The following DCAF8 variants were observed in gnomAD, a reference collection of about 807,000 sequenced individuals.
The protein encoded by DCAF8 is DDB1 and CUL4 associated factor 8.
Under a neutral mutation model 68.0 loss-of-function variants are expected in DCAF8, and 20 were observed. The ratio of observed to expected loss-of-function variants is 0.29; its 90% CI spans 0.21 to 0.43. The LOEUF (loss-of-function observed/expected upper bound fraction) is 0.43. DCAF8 is among the 20% of genes least tolerant of loss of function. The probability of loss-of-function intolerance (pLI) is 1.00; values close to 1 mark genes in which losing one functional copy is unlikely to be tolerated. For missense variants in DCAF8, 460 were observed against 771.0 expected (o/e 0.60, Z 4.78); for synonymous variants, 230 against 276.9 (o/e 0.83, Z 1.68).
chr1:160,238,747 C>T lies in DCAF8; in HGVS notation c.724G>A (p.Ala242Thr). 6.3e-7 allele frequency: 1 copy of T among 1,590,670 alleles called. No homozygotes were observed. Among genetic ancestry groups the T allele is most frequent in the Non-Finnish European group, 8.5e-7 (1 of 1,171,988 alleles). Reference sequence around the variant, plus strand: ...TCACCACTGTTAGGAAGAAACTTGGCCTGGGGTGTTAAAAATGAAAAAAAG... The same window carrying T: ...TCACCACTGTTAGGAAGAAACTTGGTCTGGGGTGTTAAAAATGAAAAAAAG... ...ESGHKSNVFQ[A>T]KFLPNSGDST... The change falls in exon 5 of 14, where the codon GCC becomes ACC. Residue 242 changes from alanine to threonine, a missense_variant and splice_region_variant. Ala to Thr is a moderately conservative substitution (Grantham distance 58). Coordinates refer to ENST00000368074, the MANE Select transcript of DCAF8 (RefSeq NM_015726.4).
intron 2 of DCAF8, among the ~76,000 whole-genome samples, chr1:160,247,380 T>C (rs777538094): frequency 2.0e-5 from 3 of 152,182 alleles, no homozygotes; most frequent in Non-Finnish European, 2.9e-5. Context: ...GCCTTAAATT[T>C]TTAACCAATT....
At position 160,217,470 on chromosome 1, in the gene DCAF8, C is replaced by T; in HGVS notation, c.*122G>A. On this transcript the variant is annotated 3_prime_UTR_variant, in exon 14 of 14. Coordinates refer to ENST00000368074, the MANE Select transcript of DCAF8 (RefSeq NM_015726.4). ...TTTGTCCTTCTCCTGGGATGTCTTT[C>T]TTTTATCTAAAGCAAAAAGTCCAAA... 1.5e-6 allele frequency: 1 copy of T among 671,364 alleles called. No homozygotes were observed. The highest frequency in any genetic ancestry group is 2.5e-6 in the Non-Finnish European group (1 of 399,212). The allele number at this position is 671,364 out of a possible 1,614,324, so 41.6% of individuals were successfully genotyped here. A position where few individuals can be genotyped will look rare whatever the true frequency, so the allele number is the denominator to read the frequency against.
At chr1:160,226,406 C>A (rs1165584139) in intron 7 of DCAF8, among the ~76,000 whole-genome samples, 2 of 152,278 alleles carry the variant, frequency 1.3e-5, no homozygotes, top group East Asian at 1.9e-4. Context: ...TACACCTTCA[C>A]CTTCCTTCCT....
intron 7 of DCAF8, among the ~76,000 whole-genome samples, chr1:160,228,610 CTT>C (rs59684865): frequency 8.5e-5 from 12 of 140,996 alleles, no homozygotes; most frequent in Admixed American, 7.0e-5. Context: ...CTCTACTTAC[CTT>C]TTTTTTTTTT....
chr1:160,250,326 C>T (rs1456357662), intron 2 of DCAF8, among the ~76,000 whole-genome samples: 2 of 151,736 alleles, frequency 1.3e-5, no homozygotes, highest in Non-Finnish European at 2.9e-5. Context: ...ATTAGCCGGG[C>T]GTGGTAGTGC....
chr1:160,248,127 G>A (rs1352768985), intron 2 of DCAF8, among the ~76,000 whole-genome samples: 8 of 151,952 alleles, frequency 5.3e-5, no homozygotes, highest in Non-Finnish European at 1.2e-4. Context: ...CCAACATGGT[G>A]AAACCCCCGT....
rs1341299259 is a variant in DCAF8, at chr1:160,250,453, C to T, written c.-26-6419G>A. Among the ~76,000 whole-genome samples the T allele has an allele frequency of 1.2e-4, 12 of 101,054 alleles. No individual in the cohort carries two copies. The South Asian group carries it at 2.2e-3, about 18-fold the overall frequency. The allele number at this position is 101,054 out of a possible 152,430, so 66.3% of individuals were successfully genotyped here. ...TGCACTCCAGCCTGGGCAACAAGAG[C>T]GAAACTGTCTCAAAAAAAAAAAAAA... is the stretch of plus-strand genomic sequence containing the variant. On this transcript the variant is annotated intron_variant, in intron 2 of 13. Transcript: ENST00000368074.
rs1371701513 is a variant in DCAF8 at position 160,262,430 on chromosome 1, A to G, written c.-101+19T>C. On this transcript the variant is annotated intron_variant, in intron 1 of 13. Coordinates refer to ENST00000368074, the MANE Select transcript of DCAF8 (RefSeq NM_015726.4). ...AGCCGCCCCGTCCACTGCCACCACCAACGCCGCCGCCATCTTACACTGGCC... is the reference window on the plus strand; with the variant it reads ...AGCCGCCCCGTCCACTGCCACCACCGACGCCGCCGCCATCTTACACTGGCC... 9 of 400,864 alleles carry G rather than the reference A, an allele frequency of 2.2e-5. No homozygotes were observed. Among genetic ancestry groups the G allele is most frequent in the Admixed American group, 4.4e-5 (1 of 22,730 alleles). 24.8% of individuals were successfully genotyped at this position (400,864 alleles called of 1,614,324 possible).
chr1:160,254,564 C>T (rs956904199), intron 2 of DCAF8, among the ~76,000 whole-genome samples: 1 of 151,874 alleles, frequency 6.6e-6, no homozygotes, highest in Non-Finnish European at 1.5e-5. Context: ...GAGGCCGGGC[C>T]GGGTGGATCA....
Position 160,240,274 on chromosome 1 carries a change from C to G in DCAF8, c.146G>C (p.Ser49Thr). 6.2e-7 allele frequency: 1 copy of G among 1,614,042 alleles called. No individual in the cohort carries two copies. Among genetic ancestry groups the G allele is most frequent in the Non-Finnish European group, 8.5e-7 (1 of 1,179,996 alleles). The change falls in exon 4 of 14, where the codon AGC becomes ACC. Residue 49 changes from serine to threonine, a missense_variant. Coordinates refer to ENST00000368074, the MANE Select transcript of DCAF8 (RefSeq NM_015726.4). ...IEVEASDLSL[S>T]LTGDDGGPNR... Reference sequence around the variant, plus strand: ...GGGGCCACCATCATCCCCAGTCAAGCTCAAACTCAGGTCTGAGGCCTCCAC... The same window carrying G: ...GGGGCCACCATCATCCCCAGTCAAGGTCAAACTCAGGTCTGAGGCCTCCAC...
chr1:160,243,050 A>C (rs966033176), intron 3 of DCAF8, among the ~76,000 whole-genome samples: 2 of 152,218 alleles, frequency 1.3e-5, no homozygotes, highest in Admixed American at 1.3e-4. Context: ...ATCAACTAGA[A>C]TTTAGCCTGT....
intron 10 of DCAF8, among the ~76,000 whole-genome samples, chr1:160,224,030 T>G (rs547956686): frequency 3.3e-5 from 5 of 152,318 alleles, no homozygotes; most frequent in African/African-American, 1.2e-4. Context: ...CCACCATTCC[T>G]CCTCTTCTGC....
chr1:160,238,563 A>G (rs778336122), intron 5 of DCAF8, 44 bp downstream of exon 5: 2 of 1,543,192 alleles, frequency 1.3e-6, no homozygotes, highest in East Asian at 2.4e-5. Flanking sequence ...TGAGAACCAC[A>G]GAGGATTTGG....
intron 7 of DCAF8, among the ~76,000 whole-genome samples, chr1:160,226,333 A>T (rs1245126156): frequency 2.6e-5 from 4 of 152,130 alleles, no homozygotes; most frequent in African/African-American, 4.8e-5. Context: ...CACAATAATT[A>T]TTAAAAACTA....
At chr1:160,245,540 T>C (rs112327682) in intron 2 of DCAF8, among the ~76,000 whole-genome samples, 15 of 152,172 alleles carry the variant, frequency 9.9e-5, no homozygotes, top group Non-Finnish European at 1.9e-4. Flanking sequence ...AGATTGTTCA[T>C]AATAGGCCAA....
chr1:160,224,118 G>A (rs1655388631), intron 10 of DCAF8, among the ~76,000 whole-genome samples: 1 of 152,186 alleles, frequency 6.6e-6, no homozygotes. Flanking sequence ...CAGGACCACT[G>A]ACTAAAGAGG....
chr1:160,252,630 GA>G (rs1656641369), intron 2 of DCAF8, among the ~76,000 whole-genome samples: 1 of 152,186 alleles, frequency 6.6e-6, no homozygotes, highest in South Asian at 2.1e-4. Context: ...AAGATGGACT[GA>G]AATGAAGGAA....
At chr1:160,256,038 T>C (rs1006624057) in intron 2 of DCAF8, among the ~76,000 whole-genome samples, 3 of 143,624 alleles carry the variant, frequency 2.1e-5, no homozygotes, top group Admixed American at 6.9e-5. Flanking sequence ...TTTTTTTTTT[T>C]TTAAGAGACA....
chr1:160,229,698 C>A (rs77580904), intron 7 of DCAF8, among the ~76,000 whole-genome samples: 1 of 151,984 alleles, frequency 6.6e-6, no homozygotes, highest in Admixed American at 6.6e-5. Context: ...AAACTACAAC[C>A]CTTTTTGATC....
Sources: allele counts gnomAD v4.1 joint callset (sites outside exome capture counted in the v4.1 genomes callset), GRCh38; gene constraint gnomAD v4.1.1; transcripts MANE v1.5; gene names NCBI Gene and HGNC (gene_info 2026-07-23, HGNC 2026-07-21).